Variants in UTRN observed in about 807,000 individuals in gnomAD.
The protein encoded by UTRN is dystrophin-related protein 1.
In UTRN, 283 loss-of-function variants were observed where a neutral mutation model predicts 463.9. That is an observed-to-expected ratio of 0.61 (90% CI 0.55 to 0.67). The LOEUF (loss-of-function observed/expected upper bound fraction) is 0.67, where lower values mean the gene tolerates loss of function less well. UTRN is among the 30% of genes least tolerant of loss of function. The pLI, the probability that UTRN is intolerant of heterozygous loss-of-function variation, is 0.00. For missense variants in UTRN, 3,922 were observed against 4,084.3 expected (o/e 0.96, Z 1.08); for synonymous variants, 1,442 against 1,431.5 (o/e 1.01, Z -0.17).
chr6:144,741,133 A>G (rs914355270), intron 54 of UTRN, among the ~76,000 whole-genome samples: 2 of 152,236 alleles, frequency 1.3e-5, no homozygotes, highest in African/African-American at 4.8e-5. Flanking sequence ...TAAGAAGTAT[A>G]ATCCTAGCAA....
chr6:144,364,885 G>A (rs920416894), intron 2 of UTRN, among the ~76,000 whole-genome samples: 4 of 152,108 alleles, frequency 2.6e-5, no homozygotes, highest in East Asian at 1.9e-4. Flanking sequence ...CATGTGGCTC[G>A]TTGCTCGCTC....
Position 144,459,020 on chromosome 6 carries a change from C to T in UTRN, c.2526+9C>T. 6.3e-7 allele frequency: 1 copy of T among 1,590,522 alleles called. No individual in the cohort carries two copies. The highest frequency in any genetic ancestry group is 8.5e-7 in the Non-Finnish European group (1 of 1,169,648). On this transcript the variant is annotated intron_variant, in intron 20 of 74. Transcript: ENST00000367545. ...TGAAGGATTCCTGTCAGGTAAGGAG[C>T]CAACGGTCTGGAAAGTGGAGGAATT... is the stretch of plus-strand genomic sequence containing the variant.
chr6:144,818,156 G>A (rs1001943406), intron 65 of UTRN, among the ~76,000 whole-genome samples: 21 of 152,152 alleles, frequency 1.4e-4, no homozygotes, highest in African/African-American at 4.8e-4. Context: ...CTGATGCTAA[G>A]TAAAAGAAGC....
chr6:144,684,940 A>G (rs1160848028), intron 52 of UTRN, among the ~76,000 whole-genome samples: 1 of 152,154 alleles, frequency 6.6e-6, no homozygotes, highest in East Asian at 1.9e-4. Context: ...TATAGCGGTG[A>G]AGTCTGAGAT....
At chr6:144,762,146 G>C (rs1335788016) in intron 58 of UTRN, among the ~76,000 whole-genome samples, 2 of 152,080 alleles carry the variant, frequency 1.3e-5, no homozygotes, top group Admixed American at 1.3e-4. Flanking sequence ...ATCAATAACT[G>C]CATTAAAAGT....
chr6:144,521,019 CT>C (rs1796040228), intron 39 of UTRN, among the ~76,000 whole-genome samples: 1 of 151,980 alleles, frequency 6.6e-6, no homozygotes, highest in Non-Finnish European at 1.5e-5. Flanking sequence ...GGCATGGTGG[CT>C]CATGCCTGTA....
At chr6:144,594,145 A>G (rs536084814) in intron 51 of UTRN, among the ~76,000 whole-genome samples, 1 of 152,354 alleles carries the variant, frequency 6.6e-6, no homozygotes, top group African/African-American at 2.4e-5. Flanking sequence ...CTAGAATTAA[A>G]TTATAGATTT....
At chr6:144,697,646 A>G (rs1784158681) in intron 52 of UTRN, among the ~76,000 whole-genome samples, 1 of 152,230 alleles carries the variant, frequency 6.6e-6, no homozygotes, top group Admixed American at 6.5e-5. Context: ...TTTACTATGA[A>G]AAATCAAAGA....
At chr6:144,733,999 T>C (rs1789072309) in intron 54 of UTRN, among the ~76,000 whole-genome samples, 1 of 152,208 alleles carries the variant, frequency 6.6e-6, no homozygotes, top group East Asian at 1.9e-4. Context: ...GAAGAGTACA[T>C]GACTACCTGA....
At chr6:144,704,081 G>C (rs994685267) in intron 53 of UTRN, among the ~76,000 whole-genome samples, 1 of 152,150 alleles carries the variant, frequency 6.6e-6, no homozygotes, top group African/African-American at 2.4e-5. Context: ...TCTTAGGTCT[G>C]TCTGACTCCA....
At chr6:144,850,395 CTTT>C (rs1384264426) in intron 74 of UTRN, among the ~76,000 whole-genome samples, 2 of 151,600 alleles carry the variant, frequency 1.3e-5, no homozygotes, top group African/African-American at 4.8e-5. Flanking sequence ...CATTTTAGCA[CTTT>C]TTTTTTATTT....
chr6:144,322,739 C>T (rs1489294848), intron 2 of UTRN, among the ~76,000 whole-genome samples: 1 of 152,106 alleles, frequency 6.6e-6, no homozygotes, highest in African/African-American at 2.4e-5. Flanking sequence ...GAGATCGAGA[C>T]CATCCTGGCT....
intron 51 of UTRN, among the ~76,000 whole-genome samples, chr6:144,635,140 T>TTTTTTTTTTTTTTTTTTTTTTTTTA (rs1776978793): frequency 1.0e-5 from 1 of 96,170 alleles, no homozygotes; most frequent in African/African-American, 9.4e-5. Context: ...ATTTGTGTGT[T>TTTTTTTTTTTTTTTTTTTTTTTTTA]TTTTTTTTTT....
In UTRN at chr6:144,489,658, G is replaced by A. The variant is rs972657385; in HGVS notation, c.4135-413G>A. On this transcript the variant is annotated intron_variant, in intron 30 of 74. Transcript: ENST00000367545. ...TATTTTTTAGACGGATTCTCACTCT[G>A]TTGCCCAGGCTAGAGTGCAGTGGCG... 1.4e-4 allele frequency among the ~76,000 whole-genome samples: 21 copies of A among 152,140 alleles called. No homozygotes were observed. The South Asian group carries it at 4.2e-3, about 30-fold the overall frequency.
intron 48 of UTRN, among the ~76,000 whole-genome samples, chr6:144,551,951 C>T (rs1338261429): frequency 6.6e-6 from 1 of 152,136 alleles, no homozygotes; most frequent in African/African-American, 2.4e-5. Context: ...CTTCTGGTCC[C>T]TGGTGAATGT....
chr6:144,310,263 G>A (rs909003638), intron 2 of UTRN, among the ~76,000 whole-genome samples: 1 of 152,194 alleles, frequency 6.6e-6, no homozygotes, highest in African/African-American at 2.4e-5. Context: ...TGGTCTGGGT[G>A]CAGTGGCTCA....
intron 23 of UTRN, among the ~76,000 whole-genome samples, chr6:144,466,326 C>G (rs980619035): frequency 6.6e-6 from 1 of 152,156 alleles, no homozygotes; most frequent in Admixed American, 6.5e-5. Flanking sequence ...TAGTTGTGTG[C>G]GAATTTCAGT....
At chr6:144,588,059 A>ACC (rs1483561485) in intron 51 of UTRN, among the ~76,000 whole-genome samples, 237 of 152,248 alleles carry the variant, frequency 1.6e-3, no homozygotes, top group Non-Finnish European at 2.6e-3. Flanking sequence ...TGGGAGCTGT[A>ACC]TGGATACCCA....
chr6:144,572,639 C>T (rs1412262194), intron 50 of UTRN, among the ~76,000 whole-genome samples: 2 of 152,082 alleles, frequency 1.3e-5, no homozygotes, highest in African/African-American at 4.8e-5. Context: ...TAAGTGAGAA[C>T]ATGCAGTGTT....
Sources: gnomAD v4.1 joint callset for allele counts (sites outside exome capture counted in the v4.1 genomes callset) on GRCh38, gnomAD v4.1.1 for gene constraint, MANE v1.5 for transcripts, NCBI Gene and HGNC (gene_info 2026-07-23, HGNC 2026-07-21) for gene names.